S100A8: variants seen among roughly 807,000 people sequenced by gnomAD.
S100A8 encodes the protein protein S100-A8.
A neutral mutation model predicts 4.2 loss-of-function variants in S100A8; 1 was observed. That is an observed-to-expected ratio of 0.24 (90% confidence interval 0.08 to 1.12). S100A8 has a LOEUF of 1.12. S100A8 is among the 50% of genes most tolerant of loss of function. S100A8 has a pLI of 0.53. For missense variants in S100A8, 96 were observed against 111.8 expected, an observed-to-expected ratio of 0.86 and a Z score of 0.64; for synonymous variants, 41 against 44.7, an observed-to-expected ratio of 0.92 and a Z score of 0.33.
the S100A8 span, among the ~76,000 whole-genome samples, chr1:153,410,862 G>C: frequency 5.3e-5 from 8 of 152,100 alleles, no homozygotes; most frequent in Admixed American, 1.3e-4. Context: ...CATATAAACA[G>C]AACCAAAGAT....
the S100A8 span, among the ~76,000 whole-genome samples, chr1:153,401,843 G>A: frequency 6.6e-6 from 1 of 152,332 alleles, no homozygotes; most frequent in East Asian, 1.9e-4. Context: ...TTGAGACGAT[G>A]AATCGGGTTA....
At chr1:153,410,646 C>T in the S100A8 span, among the ~76,000 whole-genome samples, 3 of 152,100 alleles carry the variant, frequency 2.0e-5, no homozygotes, top group Admixed American at 6.5e-5. Flanking sequence ...CAGCATCATC[C>T]TGATACCAAA....
chr1:153,390,072 A>G lies in S100A8; in HGVS notation c.*31T>C, dbSNP rs1662044786. The G allele has an allele frequency of 1.9e-6, 3 of 1,583,074 alleles. No homozygotes were observed. Among genetic ancestry groups the G allele is most frequent in the Non-Finnish European group, 2.6e-6 (3 of 1,161,502 alleles). ...TTTATTATTCTGCAGGTACATGTCC[A>G]GGGGCCCAGCCTCTGGGCCCAGTAA... is the stretch of plus-strand genomic sequence containing the variant. On this transcript the variant is annotated 3_prime_UTR_variant, in exon 3 of 3. Coordinates refer to ENST00000368733, the MANE Select transcript of S100A8 (RefSeq NM_002964.5).
At chr1:153,407,279 C>T in the S100A8 span, among the ~76,000 whole-genome samples, 1 of 152,240 alleles carries the variant, frequency 6.6e-6, no homozygotes, top group East Asian at 1.9e-4. Context: ...TAATACTGTG[C>T]TTTTTCAGTG....
the S100A8 span, among the ~76,000 whole-genome samples, chr1:153,397,490 G>C: frequency 6.6e-6 from 1 of 152,192 alleles, no homozygotes; most frequent in African/African-American, 2.4e-5. Context: ...GGGATGGTAG[G>C]GGAGAGGAAA....
chr1:153,391,203 G>A (rs1557848033), upstream of S100A8: 1 of 985,372 alleles, frequency 1.0e-6, no homozygotes, highest in Non-Finnish European at 1.2e-6. Context: ...AGGTGAATGT[G>A]GCAATCACTG....
the S100A8 span, among the ~76,000 whole-genome samples, chr1:153,414,646 C>T: frequency 1.3e-5 from 2 of 152,206 alleles, no homozygotes; most frequent in African/African-American, 4.8e-5. Context: ...AACAGGAACT[C>T]TCATTCATTG....
the S100A8 span, among the ~76,000 whole-genome samples, chr1:153,413,443 C>T: frequency 2.0e-5 from 3 of 152,162 alleles, no homozygotes; most frequent in Admixed American, 1.3e-4. Context: ...AGCATCTGCC[C>T]GCCCTGCTCT....
chr1:153,410,977 T>A, the S100A8 span, among the ~76,000 whole-genome samples: 7 of 152,162 alleles, frequency 4.6e-5, no homozygotes, highest in East Asian at 1.9e-4. Flanking sequence ...ATGGGACACA[T>A]CTCAAAATAA....
the S100A8 span, chr1:153,419,039 T>G: frequency 8.2e-7 from 1 of 1,220,906 alleles, no homozygotes; most frequent in Non-Finnish European, 1.2e-6. Context: ...ACCATGCCTG[T>G]GCAGATCTAG....
At chr1:153,415,453 G>C in the S100A8 span, among the ~76,000 whole-genome samples, 7 of 152,124 alleles carry the variant, frequency 4.6e-5, no homozygotes, top group Non-Finnish European at 1.0e-4. Context: ...AGCAGAAAAA[G>C]TCCATTTCAG....
the S100A8 span, among the ~76,000 whole-genome samples, chr1:153,410,718 G>T: frequency 6.6e-6 from 1 of 152,138 alleles, no homozygotes; most frequent in Non-Finnish European, 1.5e-5. Flanking sequence ...ATGAATATCA[G>T]TGGGAAAATC....
chr1:153,413,765 G>A, the S100A8 span, among the ~76,000 whole-genome samples: 1 of 151,694 alleles, frequency 6.6e-6, no homozygotes, highest in Non-Finnish European at 1.5e-5. Context: ...GCTGGATATA[G>A]TGGCAGGCGC....
the S100A8 span, among the ~76,000 whole-genome samples, chr1:153,408,565 C>G: frequency 6.6e-6 from 1 of 152,140 alleles, no homozygotes; most frequent in Non-Finnish European, 1.5e-5. Context: ...AGGATATTAT[C>G]CAGGAGAACT....
At chr1:153,417,912 T>C in the S100A8 span, 1 of 958,484 alleles carries the variant, frequency 1.0e-6, no homozygotes, top group South Asian at 1.8e-5. Flanking sequence ...CTCTCATTTT[T>C]GAACAACTTA....
At chr1:153,394,610 G>T (rs1175477954), upstream of S100A8, among the ~76,000 whole-genome samples, 1 of 152,190 alleles carries the variant, frequency 6.6e-6, no homozygotes, top group East Asian at 1.9e-4. Flanking sequence ...ATGCAAAGGG[G>T]AATGGGGTGC....
the S100A8 span, among the ~76,000 whole-genome samples, chr1:153,413,438 C>G: frequency 1.3e-5 from 2 of 152,226 alleles, no homozygotes; most frequent in Non-Finnish European, 2.9e-5. Flanking sequence ...GTGGCAGCAT[C>G]TGCCCGCCCT....
chr1:153,400,534 A>C, the S100A8 span, among the ~76,000 whole-genome samples: 1 of 152,198 alleles, frequency 6.6e-6, no homozygotes, highest in Non-Finnish European at 1.5e-5. Context: ...GACTCCATCT[A>C]TGCATCTCTG....
chr1:153,419,294 TG>T, the S100A8 span: 1 of 1,614,098 alleles, frequency 6.2e-7, no homozygotes, highest in South Asian at 1.1e-5. Flanking sequence ...CGCCCTGTTC[TG>T]GGGGAAGCCA....
Sources: allele counts gnomAD v4.1 joint callset (sites outside exome capture counted in the v4.1 genomes callset), GRCh38; gene constraint gnomAD v4.1.1; transcripts MANE v1.5; gene names NCBI Gene and HGNC (gene_info 2026-07-23, HGNC 2026-07-21).